The following SEMA3A variants were observed in gnomAD, a reference collection of about 807,000 sequenced individuals.
SEMA3A encodes semaphorin-3A.
SEMA3A carries 29 observed loss-of-function variants against 97.9 expected under a neutral mutation model. That is an observed-to-expected ratio of 0.30 (90% confidence interval 0.22 to 0.40). SEMA3A has a LOEUF of 0.40. Ranked by LOEUF, SEMA3A falls within the 10% of genes least tolerant of loss-of-function variation. The pLI is 1.00. For synonymous variants in SEMA3A, 321 were observed against 323.7 expected (o/e 0.99, Z 0.09); for missense variants, 763 against 951.3 (o/e 0.80, Z 2.60).
chr7:84,244,478 G>C (rs1050718365), intron 3 of SEMA3A, among the ~76,000 whole-genome samples: 2 of 152,230 alleles, frequency 1.3e-5, no homozygotes, highest in East Asian at 3.9e-4. Context: ...GAGTCTATGT[G>C]TGTCTGTGCA....
intron 4 of SEMA3A, among the ~76,000 whole-genome samples, chr7:84,068,382 C>A (rs1430061814): frequency 2.7e-5 from 4 of 146,510 alleles, no homozygotes; most frequent in Admixed American, 6.8e-5. Flanking sequence ...ATGTAACTAA[C>A]CTGCACATTG....
chr7:84,427,579 G>T (rs1351556801), intron 1 of SEMA3A, among the ~76,000 whole-genome samples: 1 of 145,290 alleles, frequency 6.9e-6, no homozygotes, highest in African/African-American at 2.6e-5. Context: ...GGGAGGCGGA[G>T]GTTGCAGTGA....
chr7:84,337,144 G>A (rs1802055572), intron 2 of SEMA3A, among the ~76,000 whole-genome samples: 1 of 152,128 alleles, frequency 6.6e-6, no homozygotes, highest in African/African-American at 2.4e-5. Context: ...GCATTGATAT[G>A]AGGATTAACA....
intron 1 of SEMA3A, among the ~76,000 whole-genome samples, chr7:84,163,427 A>G (rs971441057): frequency 1.2e-4 from 19 of 152,146 alleles, no homozygotes; most frequent in African/African-American, 4.6e-4. Flanking sequence ...CTTATGTTAT[A>G]TGAATATTTG....
At chr7:84,106,383 G>A (rs1171287080) in intron 4 of SEMA3A, among the ~76,000 whole-genome samples, 1 of 152,112 alleles carries the variant, frequency 6.6e-6, no homozygotes, top group Non-Finnish European at 1.5e-5. Context: ...ATAGCCTTAG[G>A]AGCAATAGGC....
chr7:84,297,870 C>T (rs989028313), intron 3 of SEMA3A, among the ~76,000 whole-genome samples: 9 of 152,298 alleles, frequency 5.9e-5, no homozygotes, highest in East Asian at 3.9e-4. Flanking sequence ...TCAGTCTATA[C>T]TCCCACTTCA....
At chr7:84,119,249 A>T (rs1469808071) in intron 3 of SEMA3A, among the ~76,000 whole-genome samples, 1 of 152,184 alleles carries the variant, frequency 6.6e-6, no homozygotes, top group African/African-American at 2.4e-5. Context: ...GTTACATTTA[A>T]CACCATGTAT....
chr7:84,388,600 A>G (rs1803461354), intron 1 of SEMA3A, among the ~76,000 whole-genome samples: 1 of 152,062 alleles, frequency 6.6e-6, no homozygotes, highest in Non-Finnish European at 1.5e-5. Context: ...TTATTCAATT[A>G]TATATGAATG....
chr7:84,348,401 G>A (rs1173221020), intron 2 of SEMA3A, among the ~76,000 whole-genome samples: 1 of 151,906 alleles, frequency 6.6e-6, no homozygotes, highest in Non-Finnish European at 1.5e-5. Context: ...TTACCTTTTT[G>A]GTTTAAGAGA....
At chr7:84,238,435 C>A (rs971876628) in intron 3 of SEMA3A, among the ~76,000 whole-genome samples, 1 of 152,122 alleles carries the variant, frequency 6.6e-6, no homozygotes, top group East Asian at 1.9e-4. Flanking sequence ...CAGTGGAAGT[C>A]TACACCACTT....
intron 1 of SEMA3A, among the ~76,000 whole-genome samples, chr7:84,143,943 T>TAACACACA (rs1460104047): frequency 2.2e-4 from 28 of 126,906 alleles, no homozygotes; most frequent in East Asian, 1.5e-3. Flanking sequence ...TCTCTCTCTC[T>TAACACACA]CTCTCTAACA....
rs1294237448 is a variant in SEMA3A at position 84,207,059 on chromosome 7, GCATGTTTACA to G, written c.-82-12401_-82-12392del. Among the ~76,000 whole-genome samples, 3 of 152,270 alleles carry G rather than the reference GCATGTTTACA, an allele frequency of 2.0e-5. No homozygotes were observed. In the East Asian group the frequency reaches 5.8e-4, roughly 29 times the overall value. On this transcript the variant is annotated intron_variant, in intron 3 of 3. Transcript: ENST00000424555. ...AATCTCTATACATACAGGTGTTTGG[GCATGTTTACA>G]CATGTTTACACATATTCATCCTGTC...
chr7:84,085,129 T>C (rs988943034), intron 4 of SEMA3A, among the ~76,000 whole-genome samples: 2 of 152,094 alleles, frequency 1.3e-5, no homozygotes, highest in African/African-American at 4.8e-5. Flanking sequence ...AAAGAGGATA[T>C]CTATGTAAAG....
At position 84,233,974 on chromosome 7, in the gene SEMA3A, C is replaced by A. The variant is rs149807112; in HGVS notation, c.-82-39306G>T. ...ATGTGAATCTAACCGATGCTCTATA[C>A]TAAAAAAAAAAGCCTCATTTTTATA... On this transcript the variant is annotated intron_variant, in intron 3 of 3. Transcript: ENST00000424555. Among the ~76,000 whole-genome samples, 913 of 150,380 alleles carry A rather than the reference C, an allele frequency of 6.1e-3. 17 individuals carry two copies. Among genetic ancestry groups the A allele is most frequent in the South Asian group, 0.019 (89 of 4,772 alleles).
At chr7:84,186,686 A>G (rs532527192) in intron 1 of SEMA3A, among the ~76,000 whole-genome samples, 23 of 152,130 alleles carry the variant, frequency 1.5e-4, no homozygotes, top group African/African-American at 5.5e-4. Context: ...CATAATAACA[A>G]TGCTGCTAGT....
chr7:84,026,476 C>T (rs565013530), intron 6 of SEMA3A, among the ~76,000 whole-genome samples: 3 of 152,240 alleles, frequency 2.0e-5, no homozygotes, highest in East Asian at 3.9e-4. Flanking sequence ...ACCATGCAAC[C>T]CAGTGAACCC....
At chr7:84,389,611 C>T (rs1186286414) in intron 1 of SEMA3A, among the ~76,000 whole-genome samples, 1 of 151,984 alleles carries the variant, frequency 6.6e-6, no homozygotes, top group Non-Finnish European at 1.5e-5. Context: ...AACATACCTG[C>T]TAAATACAGA....
At chr7:83,980,303 G>GAT (rs1476095789) in intron 14 of SEMA3A, among the ~76,000 whole-genome samples, 1 of 151,804 alleles carries the variant, frequency 6.6e-6, no homozygotes, top group Non-Finnish European at 1.5e-5. Flanking sequence ...ATGTTTAAGA[G>GAT]ATATATATGT....
chr7:84,291,636 C>A (rs529843851), intron 3 of SEMA3A, among the ~76,000 whole-genome samples: 7 of 152,078 alleles, frequency 4.6e-5, no homozygotes, highest in African/African-American at 1.7e-4. Flanking sequence ...GGTAGTATTA[C>A]CCCATAAAAT....
Sources: allele counts gnomAD v4.1 joint callset (sites outside exome capture counted in the v4.1 genomes callset), GRCh38; gene constraint gnomAD v4.1.1; transcripts MANE v1.5; gene names NCBI Gene and HGNC (gene_info 2026-07-23, HGNC 2026-07-21).